Variants in TTC27 observed in about 807,000 individuals in gnomAD.
TTC27 encodes tetratricopeptide repeat protein 27.
A neutral mutation model predicts 115.9 loss-of-function variants in TTC27; 79 were observed. That is an observed-to-expected ratio of 0.68 (90% confidence interval 0.57 to 0.82). TTC27 has a LOEUF of 0.82. Ranked by LOEUF, TTC27 falls within the 40% of genes least tolerant of loss-of-function variation. TTC27 has a pLI of 0.00. For synonymous variants in TTC27, 401 were observed against 356.0 expected (o/e 1.13, Z -1.42); for missense variants, 1,054 against 993.1 (o/e 1.06, Z -0.82).
intron 10 of TTC27, among the ~76,000 whole-genome samples, chr2:32,716,996 G>A (rs931941832): frequency 3.2e-5 from 4 of 126,644 alleles, no homozygotes; most frequent in African/African-American, 1.2e-4. Context: ...ACCTGGCTCA[G>A]ATTTTTTTTT....
At chr2:32,740,403 A>C (rs533781979) in intron 12 of TTC27, among the ~76,000 whole-genome samples, 1 of 151,426 alleles carries the variant, frequency 6.6e-6, no homozygotes, top group South Asian at 2.1e-4. Context: ...TGTATTTCTA[A>C]AACAGCTAAG....
chr2:32,629,163 T>G (rs1262355401), intron 1 of TTC27, among the ~76,000 whole-genome samples: 1 of 147,346 alleles, frequency 6.8e-6, no homozygotes, highest in Non-Finnish European at 1.5e-5. Flanking sequence ...CTCTTGTTGC[T>G]CTGGCTGGAG....
chr2:32,780,945 A>G (rs1670155742), intron 14 of TTC27, among the ~76,000 whole-genome samples: 1 of 151,646 alleles, frequency 6.6e-6, no homozygotes, highest in South Asian at 2.1e-4. Flanking sequence ...TTTGGGGCGT[A>G]TATGCATGCC....
chr2:32,697,384 G>A (rs1667024500), intron 9 of TTC27, among the ~76,000 whole-genome samples: 2 of 152,122 alleles, frequency 1.3e-5, no homozygotes, highest in Admixed American at 1.3e-4. Context: ...ACAATTTGGG[G>A]TTTTCAACAT....
chr2:32,695,879 G>C (rs972304980), intron 9 of TTC27, among the ~76,000 whole-genome samples: 1 of 150,572 alleles, frequency 6.6e-6, no homozygotes, highest in African/African-American at 2.5e-5. Flanking sequence ...ACTCTAGCCT[G>C]GGCAACAAGA....
chr2:32,800,537 G>A (rs929520799), intron 16 of TTC27, among the ~76,000 whole-genome samples: 3 of 148,446 alleles, frequency 2.0e-5, no homozygotes, highest in Non-Finnish European at 1.5e-5. Context: ...TCGCTCTGTC[G>A]CCCAGGCTGG....
intron 12 of TTC27, among the ~76,000 whole-genome samples, chr2:32,757,729 G>C (rs933927874): frequency 6.6e-6 from 1 of 151,612 alleles, no homozygotes; most frequent in Non-Finnish European, 1.5e-5. Flanking sequence ...TTTCACTCTT[G>C]TTGTCCAGGC....
chr2:32,769,214 C>G (rs1424452657), intron 13 of TTC27, among the ~76,000 whole-genome samples: 1 of 152,154 alleles, frequency 6.6e-6, no homozygotes, highest in Non-Finnish European at 1.5e-5. Flanking sequence ...CAAAGTACAT[C>G]AGAGTCTTGG....
intron 13 of TTC27, among the ~76,000 whole-genome samples, chr2:32,761,859 T>G (rs1669448183): frequency 6.6e-6 from 1 of 152,212 alleles, no homozygotes; most frequent in African/African-American, 2.4e-5. Context: ...TGCCTTGTAC[T>G]TATCAGATAT....
intron 5 of TTC27, among the ~76,000 whole-genome samples, chr2:32,663,636 T>TTATTTATG (rs1389616420): frequency 1.4e-5 from 2 of 146,402 alleles, no homozygotes; most frequent in African/African-American, 5.2e-5. Flanking sequence ...CACCCCCTAT[T>TTATTTATG]TATGTATGTA....
intron 16 of TTC27, among the ~76,000 whole-genome samples, chr2:32,792,989 G>A (rs1256025755): frequency 6.6e-6 from 1 of 152,180 alleles, no homozygotes. Flanking sequence ...GTTCCTGATG[G>A]AGGTGAGAAA....
intron 9 of TTC27, among the ~76,000 whole-genome samples, chr2:32,698,778 C>A (rs1667086013): frequency 6.6e-6 from 1 of 152,270 alleles, no homozygotes; most frequent in East Asian, 1.9e-4. Context: ...CTGCGCCCGG[C>A]CAAGGAACGT....
At chr2:32,669,883 CAAAAAAAAAAAAAAAAAA>C (rs1665944909) in intron 7 of TTC27, among the ~76,000 whole-genome samples, 1 of 108,914 alleles carries the variant, frequency 9.2e-6, no homozygotes, top group Non-Finnish European at 1.8e-5. Context: ...GAGACTTTCT[CAAAAAAAAAAAAAAAAAA>C]GAAAAGAAAG....
intron 12 of TTC27, among the ~76,000 whole-genome samples, chr2:32,755,983 A>T (rs991720763): frequency 6.6e-6 from 1 of 152,202 alleles, no homozygotes; most frequent in Non-Finnish European, 1.5e-5. Flanking sequence ...TCATCATGGG[A>T]TATCATGGAC....
At chr2:32,709,151 G>A (rs1440186676) in intron 10 of TTC27, among the ~76,000 whole-genome samples, 1 of 151,984 alleles carries the variant, frequency 6.6e-6, no homozygotes, top group Non-Finnish European at 1.5e-5. Flanking sequence ...GGAGGAGAGG[G>A]GACAAATCTT....
chr2:32,713,007 A>T (rs923494670), intron 10 of TTC27, among the ~76,000 whole-genome samples: 8 of 152,162 alleles, frequency 5.3e-5, no homozygotes, highest in African/African-American at 1.9e-4. Context: ...TCATTAATGG[A>T]TTAATGCCAG....
rs984669314 is a variant in TTC27, at chr2:32,660,801, C to T, written c.641-3502C>T. ...GATCTCATTTGTCAATTTTGGCTTT[C>T]GTTGCCATTGCTTTTGGTGTTTTAG... is the stretch of plus-strand genomic sequence containing the variant. On this transcript the variant is annotated intron_variant, in intron 5 of 19. Coordinates refer to ENST00000317907, the MANE Select transcript of TTC27 (RefSeq NM_017735.5). Among the ~76,000 whole-genome samples, 34 of 152,144 alleles carry T rather than the reference C, an allele frequency of 2.2e-4. 1 individual carries two copies. Among genetic ancestry groups the T allele is most frequent in the Admixed American group, 2.0e-3 (30 of 15,268 alleles).
At chr2:32,723,396 A>G (rs1443205160) in intron 10 of TTC27, among the ~76,000 whole-genome samples, 1 of 152,108 alleles carries the variant, frequency 6.6e-6, no homozygotes, top group Non-Finnish European at 1.5e-5. Context: ...AGTGTTGATT[A>G]TGGGCATGTT....
chr2:32,741,377 C>G (rs1668629659), intron 12 of TTC27, among the ~76,000 whole-genome samples: 1 of 152,004 alleles, frequency 6.6e-6, no homozygotes, highest in Non-Finnish European at 1.5e-5. Context: ...GGTGTGGTGG[C>G]TCACGCCTGT....
Sources: gnomAD v4.1 joint callset for allele counts (sites outside exome capture counted in the v4.1 genomes callset) on GRCh38, gnomAD v4.1.1 for gene constraint, MANE v1.5 for transcripts, NCBI Gene and HGNC (gene_info 2026-07-23, HGNC 2026-07-21) for gene names.